The following SPACA1 variants were observed in gnomAD, a reference collection of about 807,000 sequenced individuals.
SPACA1 encodes the protein sperm acrosome membrane-associated protein 1.
SPACA1 carries 17 observed loss-of-function variants against 32.6 expected under a neutral mutation model. The ratio of observed to expected loss-of-function variants is 0.52; its 90% CI spans 0.36 to 0.78. The LOEUF is 0.78. Among genes scored for constraint, SPACA1 ranks in the 30% least tolerant of loss-of-function variants. SPACA1 has a pLI of 0.01. For missense variants in SPACA1, 363 were observed against 373.4 expected, an observed-to-expected ratio of 0.97 and a Z score of 0.23; for synonymous variants, 140 against 138.1, an observed-to-expected ratio of 1.01 and a Z score of -0.10.
chr6:88,057,822 C>G (rs544559627), intron 3 of SPACA1, 109 bp downstream of exon 3: 1 of 750,746 alleles, frequency 1.3e-6, no homozygotes, highest in African/African-American at 1.8e-5. Context: ...AGTTGACATA[C>G]TCAAAGGAAA....
At chr6:88,065,300 G>A (rs1436961990) in intron 6 of SPACA1, among the ~76,000 whole-genome samples, 6 of 147,906 alleles carry the variant, frequency 4.1e-5, no homozygotes, top group Admixed American at 2.7e-4. Context: ...ACTTATTAGA[G>A]AAGAGGTAAT....
intron 5 of SPACA1, among the ~76,000 whole-genome samples, chr6:88,063,543 G>A (rs896083688): frequency 1.3e-5 from 2 of 152,170 alleles, no homozygotes; most frequent in Non-Finnish European, 2.9e-5. Context: ...GCCTCTGGAG[G>A]ATGAGGAAGG....
chr6:88,051,194 C>A (rs1482548277), intron 1 of SPACA1, among the ~76,000 whole-genome samples: 2 of 151,740 alleles, frequency 1.3e-5, no homozygotes, highest in African/African-American at 4.8e-5. Context: ...TTTTGTTATA[C>A]CTTGTATACC....
intron 1 of SPACA1, among the ~76,000 whole-genome samples, chr6:88,049,466 T>A (rs2127797420): frequency 6.6e-6 from 1 of 152,336 alleles, no homozygotes; most frequent in East Asian, 1.9e-4. Context: ...AAGTGCTTTT[T>A]CTTGGGGAGC....
chr6:88,053,056 C>T (rs1775754799), intron 1 of SPACA1, among the ~76,000 whole-genome samples: 1 of 152,300 alleles, frequency 6.6e-6, no homozygotes, highest in African/African-American at 2.4e-5. Context: ...TTAATTCTTA[C>T]AGCAATCAAA....
chr6:88,053,898 A>G, intron 1 of SPACA1, 48 bp from the exon 2 acceptor site: 1 of 1,540,720 alleles, frequency 6.5e-7, no homozygotes, highest in Non-Finnish European at 8.9e-7. Context: ...TTTCACTTAG[A>G]AAAGTTTTCA....
intron 2 of SPACA1, among the ~76,000 whole-genome samples, chr6:88,057,342 A>T (rs889985481): frequency 6.6e-6 from 1 of 152,168 alleles, no homozygotes; most frequent in Non-Finnish European, 1.5e-5. Flanking sequence ...ATTTGATGTA[A>T]CATTTTCAAA....
intron 5 of SPACA1, among the ~76,000 whole-genome samples, chr6:88,060,048 T>C (rs2127800941): frequency 6.6e-6 from 1 of 152,352 alleles, no homozygotes; most frequent in African/African-American, 2.4e-5. Flanking sequence ...TGTCAAAGTA[T>C]GACTCTTTAA....
At chr6:88,066,137 G>C (rs761731987) in intron 6 of SPACA1, 45 bp from the exon 7 acceptor site, 2 of 1,508,510 alleles carry the variant, frequency 1.3e-6, no homozygotes, top group East Asian at 2.3e-5. Context: ...TTCAGTTTTA[G>C]TTTTCACTTC....
At chr6:88,064,254 T>C (rs988138080) in intron 6 of SPACA1, 35 bp downstream of exon 6, 10 of 1,592,584 alleles carry the variant, frequency 6.3e-6, no homozygotes, top group African/African-American at 5.4e-5. Flanking sequence ...TCACCCTTGA[T>C]TGACATCCTC....
chr6:88,058,742 G>T lies in SPACA1; in HGVS notation c.394G>T (p.Glu132Ter). The T allele has an allele frequency of 6.2e-7, 1 of 1,613,384 alleles. No individual in the cohort carries two copies. The highest frequency in any genetic ancestry group is 8.5e-7 in the Non-Finnish European group (1 of 1,179,738). The change falls in exon 4 of 7, where the codon GAA becomes TAA. Residue 132 changes from glutamate to a stop codon, truncating the protein, a stop_gained. Coordinates refer to ENST00000237201, the MANE Select transcript of SPACA1 (RefSeq NM_030960.3). LOFTEE classifies it high-confidence loss of function. ...GWGKPISESL[E>*]SVRLACIHTS... ...GGGTAAACCAATTTCAGAAAGTCTT[G>T]AAAGTGTTAGATTGGCATGTATTCA...
chr6:88,060,982 C>T (rs906270038), intron 5 of SPACA1, among the ~76,000 whole-genome samples: 2 of 152,302 alleles, frequency 1.3e-5, no homozygotes, highest in South Asian at 4.1e-4. Flanking sequence ...CATCTCAGTA[C>T]GTGCACTGAT....
At chr6:88,048,442 C>T (rs1313155006) in intron 1 of SPACA1, among the ~76,000 whole-genome samples, 1 of 148,606 alleles carries the variant, frequency 6.7e-6, no homozygotes, top group Non-Finnish European at 1.5e-5. Context: ...ACTCCTCTTG[C>T]AGTCACTTTC....
chr6:88,059,552 G>A lies in SPACA1; in HGVS notation c.574G>A (p.Val192Ile), dbSNP rs1775860787. The A allele has an allele frequency of 1.9e-6, 3 of 1,613,328 alleles. No homozygotes were observed. The highest frequency in any genetic ancestry group is 2.5e-6 in the Non-Finnish European group (3 of 1,179,730). ...ECDTLDNNEI[V>I]ATIKFTVYTS... ...TGACACACTGGATAATAATGAAATAGTAGCAACTATTAAATTCACAGTCTA... is the reference window on the plus strand; with the variant it reads ...TGACACACTGGATAATAATGAAATAATAGCAACTATTAAATTCACAGTCTA... Residue 192 changes from valine (V) to isoleucine (I), a missense_variant, in exon 5 of 7, where the codon GTA becomes ATA. Val to Ile is a conservative substitution (Grantham distance 29, BLOSUM62 3). Coordinates refer to ENST00000237201, the MANE Select transcript of SPACA1 (RefSeq NM_030960.3).
At chr6:88,058,653 T>C (rs1775845555) in intron 3 of SPACA1, 63 bp from the exon 4 acceptor site, 1 of 1,184,008 alleles carries the variant, frequency 8.4e-7, no homozygotes, top group East Asian at 2.4e-5. Flanking sequence ...AAAAAAAAAG[T>C]AATTTCGTGT....
chr6:88,048,161 G>A (rs1562476824), intron 1 of SPACA1, 48 bp downstream of exon 1: 8 of 1,519,148 alleles, frequency 5.3e-6, no homozygotes, highest in East Asian at 4.8e-5. Flanking sequence ...CCCTGTTGAC[G>A]GAGCAAAGGC....
At chr6:88,048,215 G>A (rs1775674133) in intron 1 of SPACA1, 102 bp downstream of exon 1, 1 of 1,225,718 alleles carries the variant, frequency 8.2e-7, no homozygotes. Context: ...TTAACGTCAG[G>A]AGAGCTCTCT....
rs904252122 is a variant in SPACA1, at chr6:88,059,641, T to C, written c.610+53T>C. 3.3e-6 allele frequency: 5 copies of C among 1,523,910 alleles called. No homozygotes were observed. In the African/African-American group the frequency reaches 4.2e-5, roughly 13 times the overall value. 94.4% of individuals were successfully genotyped at this position (1,523,910 alleles called of 1,614,324 possible). ...CTTATATGCCAATCTTTAAAGAGCATTAAAATCACTTAGAGGCTTGTTAAA... is the reference window on the plus strand; with the variant it reads ...CTTATATGCCAATCTTTAAAGAGCACTAAAATCACTTAGAGGCTTGTTAAA... On this transcript the variant is annotated intron_variant, in intron 5 of 6. Coordinates refer to ENST00000237201, the MANE Select transcript of SPACA1 (RefSeq NM_030960.3).
At chr6:88,064,839 G>A (rs935336280) in intron 6 of SPACA1, among the ~76,000 whole-genome samples, 4 of 147,036 alleles carry the variant, frequency 2.7e-5, no homozygotes, top group African/African-American at 9.9e-5. Context: ...TCATATGTGT[G>A]TACCAAATAT....
Sources: allele counts gnomAD v4.1 joint callset (sites outside exome capture counted in the v4.1 genomes callset), GRCh38; gene constraint gnomAD v4.1.1; transcripts MANE v1.5; gene names NCBI Gene and HGNC (gene_info 2026-07-23, HGNC 2026-07-21).